Variants in SUCO observed in about 807,000 individuals in gnomAD.
SUCO encodes the protein SUN domain-containing ossification factor.
SUCO carries 57 observed loss-of-function variants against 148.1 expected under a neutral mutation model. The ratio of observed to expected loss-of-function variants is 0.38; its 90% CI spans 0.31 to 0.48. The LOEUF (loss-of-function observed/expected upper bound fraction) is 0.48, where lower values mean the gene tolerates loss of function less well. Among genes scored for constraint, SUCO ranks in the 20% least tolerant of loss-of-function variants. SUCO has a pLI of 0.96. For missense variants in SUCO, 1,331 were observed against 1,468.2 expected (o/e 0.91, Z 1.53); for synonymous variants, 470 against 502.7 (o/e 0.93, Z 0.87).
At position 172,589,697 on chromosome 1, in the gene SUCO, AAAG is replaced by A. The variant is rs746662495; in HGVS notation, c.2605_2607del (p.Glu869del). 1,307 of 1,613,816 alleles carry A rather than the reference AAAG, an allele frequency of 8.1e-4. 2 individuals carry two copies. Among genetic ancestry groups the A allele is most frequent in the East Asian group, 1.1e-3 (48 of 44,878 alleles). ...GGATTCTTCTTCATTACCTGAAGTA[AAAG>A]AAGAAGAACAGTCTCCAGAAGATGC... On this transcript the variant is annotated inframe_deletion, in exon 18 of 24. Transcript: ENST00000263688.
At chr1:172,572,696 T>TTAAAA (rs766025462) in intron 9 of SUCO, among the ~76,000 whole-genome samples, 1 of 49,600 alleles carries the variant, frequency 2.0e-5, no homozygotes, top group African/African-American at 7.2e-5. Context: ...GAATGATCAA[T>TTAAAA]AAAAAAAAAA....
intron 20 of SUCO, among the ~76,000 whole-genome samples, chr1:172,600,959 A>T (rs1657472891): frequency 6.6e-6 from 1 of 152,212 alleles, no homozygotes; most frequent in Non-Finnish European, 1.5e-5. Context: ...AGAGTGAGTG[A>T]GAAAAGTGAA....
rs117359135 is a variant in SUCO at position 172,579,602 on chromosome 1, A to G, written c.1498+335A>G. On this transcript the variant is annotated intron_variant, in intron 15 of 23. Coordinates refer to ENST00000263688, the MANE Select transcript of SUCO (RefSeq NM_014283.5). ...GTCATACCACAGTTAATCTATGGGT[A>G]TGGTTAGTTTGCCATTTAGTTACAA... Among the ~76,000 whole-genome samples, 340 of 152,212 alleles carry G rather than the reference A, an allele frequency of 2.2e-3. 5 individuals carry two copies. Among genetic ancestry groups the G allele is most frequent in the East Asian group, 0.013 (65 of 5,180 alleles).
At chr1:172,584,989 G>T (rs760351691) in intron 15 of SUCO, 29 bp from the exon 16 acceptor site, 4 of 1,399,378 alleles carry the variant, frequency 2.9e-6, no homozygotes, top group East Asian at 2.3e-5. Flanking sequence ...TAGGTATTTG[G>T]TACTTTTTCT....
chr1:172,599,474 T>G (rs1657357745), intron 19 of SUCO: 1 of 748,004 alleles, frequency 1.3e-6, no homozygotes, highest in Non-Finnish European at 1.6e-6. Flanking sequence ...TTTCTAAAAT[T>G]CAGTGCTGCC....
intron 19 of SUCO, among the ~76,000 whole-genome samples, chr1:172,591,855 ACT>A (rs1291916029): frequency 2.6e-5 from 4 of 152,322 alleles, no homozygotes; most frequent in South Asian, 2.1e-4. Flanking sequence ...GAATCGCCAC[ACT>A]GTCTTCCACC....
chr1:172,604,257 C>T (rs1403616987), intron 22 of SUCO, among the ~76,000 whole-genome samples: 15 of 151,832 alleles, frequency 9.9e-5, no homozygotes, highest in Non-Finnish European at 1.5e-5. Flanking sequence ...AACAGAGTAG[C>T]TTTTTGCACC....
chr1:172,546,124 C>T (rs1363240288), intron 1 of SUCO, among the ~76,000 whole-genome samples: 7 of 152,024 alleles, frequency 4.6e-5, no homozygotes, highest in Admixed American at 6.6e-5. Context: ...TTTGTAGAGA[C>T]GGAGTTTTGC....
At position 172,551,588 on chromosome 1, in the gene SUCO, T is replaced by A. The variant is rs779716477; in HGVS notation, c.139T>A (p.Cys47Ser). 1.9e-6 allele frequency: 3 copies of A among 1,609,614 alleles called. No individual in the cohort carries two copies. The highest frequency in any genetic ancestry group is 2.5e-6 in the Non-Finnish European group (3 of 1,177,582). ...ATCATATTACTCTCAAGATGACAAC[T>A]GCGCACTAGAAAATGAAGATGTACA... ...ASSYYSQDDNCALENEDVQFQ... is the reference protein window; with the variant it reads ...ASSYYSQDDNSALENEDVQFQ... Residue 47 changes from cysteine (C) to serine (S), a missense_variant, in exon 2 of 24, where the codon TGC becomes AGC. This residue lies in a region of SUCO where 992 missense variants were observed against 1,093.5 expected (regional missense o/e 0.91). Transcript: ENST00000263688.
At position 172,544,136 on chromosome 1, in the gene SUCO, C is replaced by G. The variant is rs1035900810; in HGVS notation, c.63-7376C>G. On this transcript the variant is annotated intron_variant, in intron 1 of 23. Transcript: ENST00000263688. ...CAAAAACTACAATTTTCACTGATAA[C>G]TTTAACCATACTGCGCTAATTGAGT... is the stretch of plus-strand genomic sequence containing the variant. 8.2e-6 allele frequency: 8 copies of G among 975,970 alleles called. No individual in the cohort carries two copies. In the African/African-American group the frequency reaches 1.2e-4, roughly 15 times the overall value. The allele number at this position is 975,970 out of a possible 1,614,324, so 60.5% of individuals were successfully genotyped here.
chr1:172,568,883 T>C, intron 6 of SUCO, 136 bp from the exon 7 acceptor site: 1 of 865,098 alleles, frequency 1.2e-6, no homozygotes. Flanking sequence ...TCTTTTTACG[T>C]TTTTTATTTT....
At chr1:172,572,046 G>A (rs1262737919) in intron 9 of SUCO, among the ~76,000 whole-genome samples, 2 of 65,146 alleles carry the variant, frequency 3.1e-5, no homozygotes, top group East Asian at 3.5e-4. Context: ...TCAGCCCCCC[G>A]CCCGGCCAGC....
intron 1 of SUCO, among the ~76,000 whole-genome samples, chr1:172,547,651 C>A (rs1484757084): frequency 6.6e-6 from 1 of 152,160 alleles, no homozygotes; most frequent in Non-Finnish European, 1.5e-5. Context: ...AGCTCCAGAA[C>A]TGTTCCAAGT....
intron 1 of SUCO, chr1:172,542,916 C>A (rs1398279637): frequency 1.0e-6 from 1 of 985,062 alleles, no homozygotes; most frequent in African/African-American, 1.7e-5. Context: ...AACTGAGAAA[C>A]TTTTCAAAAG....
chr1:172,585,917 A>T lies in SUCO; in HGVS notation c.1627A>T (p.Thr543Ser). The change falls in exon 17 of 24, where the codon ACT (threonine) becomes TCT (serine). Residue 543 changes from threonine to serine, a missense_variant. Coordinates refer to ENST00000263688, the MANE Select transcript of SUCO (RefSeq NM_014283.5). ...AGCTGCACCTAAAATGCCTGAATCA[A>T]CTCCTGTTTCAACTCCTGTTCCATC... Reference protein sequence around the residue: ...ATAAPKMPESTPVSTPVPSPE... With the variant: ...ATAAPKMPESSPVSTPVPSPE... The T allele has an allele frequency of 6.2e-7, 1 of 1,610,838 alleles. No homozygotes were observed. Among genetic ancestry groups the T allele is most frequent in the Non-Finnish European group, 8.5e-7 (1 of 1,178,408 alleles).
chr1:172,602,377 T>C (rs1657585796), intron 21 of SUCO, 159 bp downstream of exon 21: 1 of 978,704 alleles, frequency 1.0e-6, no homozygotes, highest in South Asian at 4.7e-5. Context: ...AGTAAGATGG[T>C]CCTATGCCTA....
In SUCO at chr1:172,588,784, A is replaced by G; in HGVS notation, c.1683A>G (p.Thr561=). The change falls in exon 18 of 24, where the codon ACA becomes ACG. Residue 561 remains threonine (T), a synonymous_variant. Transcript: ENST00000263688. ...SPEYVTTEVH[T]HDMEPSTPDT... ...GGTATGTAACCACTGAAGTACACAC[A>G]CATGACATGGAGCCGTCAACACCAG... 6.5e-7 allele frequency: 1 copy of G among 1,549,478 alleles called. No individual in the cohort carries two copies. The highest frequency in any genetic ancestry group is 8.7e-7 in the Non-Finnish European group (1 of 1,150,118).
intron 18 of SUCO, chr1:172,590,269 T>C: frequency 1.1e-6 from 1 of 913,622 alleles, no homozygotes; most frequent in Non-Finnish European, 1.3e-6. Context: ...AAAATGATAG[T>C]ATATAGACCT....
chr1:172,577,702 A>G (rs1571243860), intron 12 of SUCO, 62 bp from the exon 13 acceptor site: 1 of 1,579,164 alleles, frequency 6.3e-7, no homozygotes, highest in Non-Finnish European at 8.6e-7. Flanking sequence ...AACTGAGTAT[A>G]TTGTTAGATA....
Sources: gnomAD v4.1 joint callset for allele counts (sites outside exome capture counted in the v4.1 genomes callset) on GRCh38, gnomAD v4.1.1 for gene constraint, gnomAD v4.1.1 regional missense constraint, MANE v1.5 for transcripts, NCBI Gene and HGNC (gene_info 2026-07-23, HGNC 2026-07-21) for gene names.